SLC30A7: variants seen among roughly 807,000 people sequenced by gnomAD.
The protein encoded by SLC30A7 is solute carrier family 30 member 7.
Under a neutral mutation model 46.0 loss-of-function variants are expected in SLC30A7, and 35 were observed. The ratio of observed to expected loss-of-function variants is 0.76; its 90% CI spans 0.58 to 1.01. SLC30A7 has a LOEUF of 1.01. Ranked by LOEUF, SLC30A7 falls within the 50% of genes least tolerant of loss-of-function variation. The probability of loss-of-function intolerance (pLI) is 0.00; values close to 1 mark genes in which losing one functional copy is unlikely to be tolerated. For synonymous variants in SLC30A7, 147 were observed against 157.8 expected (o/e 0.93, Z 0.51); for missense variants, 464 against 451.1 (o/e 1.03, Z -0.26).
At chr1:100,984,821 A>G (rs555050660), downstream of SLC30A7, among the ~76,000 whole-genome samples, 2 of 152,258 alleles carry the variant, frequency 1.3e-5, no homozygotes, top group African/African-American at 4.8e-5. Context: ...TAAAGCTGAG[A>G]TATCAATCTT....
intron 10 of SLC30A7, 29 bp downstream of exon 10, chr1:100,965,947 G>C: frequency 6.4e-7 from 1 of 1,574,106 alleles, no homozygotes; most frequent in African/African-American, 1.4e-5. Context: ...CTTCTTTTAA[G>C]GGCCTTAACA....
rs1026012766 is a variant in SLC30A7, at chr1:100,980,367, T to C, written c.*5510T>C. On this transcript the variant is annotated 3_prime_UTR_variant, in exon 11 of 11. Transcript: ENST00000357650. ...AAATAGTAGTAATCTATGCTTAAAC[T>C]TAACATTTAATGTTGACTTCTTACA... The C allele has an allele frequency of 6.6e-6, 1 of 152,152 alleles. No homozygotes were observed. The highest frequency in any genetic ancestry group is 2.4e-5 in the African/African-American group (1 of 41,454). The allele number at this position is 152,152 out of a possible 1,614,324, so 9.4% of individuals were successfully genotyped here. A position where few individuals can be genotyped will look rare whatever the true frequency, so the allele number is the denominator to read the frequency against.
At chr1:100,957,064 G>A (rs1655261902) in intron 8 of SLC30A7, among the ~76,000 whole-genome samples, 1 of 152,080 alleles carries the variant, frequency 6.6e-6, no homozygotes, top group Non-Finnish European at 1.5e-5. Flanking sequence ...TACATGGTTG[G>A]CATATAACAG....
At chr1:100,922,225 G>A (rs1454903141) in intron 8 of SLC30A7, among the ~76,000 whole-genome samples, 1 of 151,956 alleles carries the variant, frequency 6.6e-6, no homozygotes, top group Non-Finnish European at 1.5e-5. Flanking sequence ...CTCAGCCTCT[G>A]AAAGCGCTGG....
intron 9 of SLC30A7, among the ~76,000 whole-genome samples, chr1:100,965,207 CTCTT>C (rs1655797872): frequency 6.6e-6 from 1 of 152,168 alleles, no homozygotes; most frequent in Non-Finnish European, 1.5e-5. Context: ...GAGAAGCTCC[CTCTT>C]TCTTTGTAAA....
intron 8 of SLC30A7, among the ~76,000 whole-genome samples, chr1:100,949,649 T>C (rs1270163453): frequency 6.6e-6 from 1 of 152,226 alleles, no homozygotes; most frequent in Non-Finnish European, 1.5e-5. Flanking sequence ...TAGGCCTTAC[T>C]GAGCTGCGGT....
At position 100,958,216 on chromosome 1, in the gene SLC30A7, A is replaced by G. The variant is rs112562500; in HGVS notation, c.843-3612A>G. 6.4e-3 allele frequency among the ~76,000 whole-genome samples: 965 copies of G among 151,564 alleles called. 15 individuals are homozygous for G. The highest frequency in any genetic ancestry group is 0.02 in the African/African-American group (838 of 41,242). On this transcript the variant is annotated intron_variant, in intron 8 of 10. Coordinates refer to ENST00000357650, the MANE Select transcript of SLC30A7 (RefSeq NM_133496.5). ...TTTTGAGATGGAGTCTCGCTCTGTC[A>G]CCCAGGCTGGAGTGCAGTGGCCCTA...
intron 8 of SLC30A7, among the ~76,000 whole-genome samples, chr1:100,939,412 C>T (rs768458988): frequency 5.9e-5 from 9 of 152,034 alleles, no homozygotes; most frequent in Non-Finnish European, 1.5e-5. Context: ...AAAGAGAAGA[C>T]ACCTCTTCAG....
chr1:100,973,761 A>G (rs984589267), intron 10 of SLC30A7, among the ~76,000 whole-genome samples: 1 of 152,118 alleles, frequency 6.6e-6, no homozygotes, highest in African/African-American at 2.4e-5. Flanking sequence ...GTGAGGTAAA[A>G]GGGCAGCCAG....
chr1:100,901,529 A>G (rs986243712), intron 2 of SLC30A7, among the ~76,000 whole-genome samples: 2 of 152,114 alleles, frequency 1.3e-5, no homozygotes, highest in African/African-American at 4.8e-5. Context: ...ATCTTGGCTT[A>G]CTGCAACCTC....
chr1:100,917,212 T>C (rs1011028001), intron 6 of SLC30A7, among the ~76,000 whole-genome samples: 2 of 152,228 alleles, frequency 1.3e-5, no homozygotes, highest in Non-Finnish European at 2.9e-5. Context: ...TCTTACACTT[T>C]TGGCTATCAG....
chr1:100,905,395 G>A (rs373150453), intron 2 of SLC30A7, among the ~76,000 whole-genome samples: 11 of 151,014 alleles, frequency 7.3e-5, no homozygotes, highest in South Asian at 2.1e-4. Context: ...TTTTTTCCTC[G>A]CTTGGGTTCA....
At position 100,896,110 on chromosome 1, in the gene SLC30A7, G is replaced by C. The variant is rs1412286196; in HGVS notation, c.-153G>C. 3.0e-6 allele frequency: 2 copies of C among 669,412 alleles called. No homozygotes were observed. Among genetic ancestry groups the C allele is most frequent in the Non-Finnish European group, 5.4e-6 (2 of 373,736 alleles). 41.5% of individuals were successfully genotyped at this position (669,412 alleles called of 1,614,324 possible). ...GGGCCGGAAGTAAGCGAATTCCCGG[G>C]TGTGTGTCTGTGTCTGTCTGTGTCT... On this transcript the variant is annotated 5_prime_UTR_variant, in exon 1 of 11. Transcript: ENST00000357650.
At chr1:100,913,996 A>G (rs1392150457) in intron 6 of SLC30A7, among the ~76,000 whole-genome samples, 190 bp downstream of exon 6, 1 of 152,178 alleles carries the variant, frequency 6.6e-6, no homozygotes, top group Non-Finnish European at 1.5e-5. Context: ...AAGGCAGTGG[A>G]TGTTCGCTTT....
rs1264646608 is a variant in SLC30A7 at position 100,978,495 on chromosome 1, G to GTTC, written c.*3640_*3642dup. 12 of 152,146 alleles carry GTTC rather than the reference G, an allele frequency of 7.9e-5. No homozygotes were observed. The highest frequency in any genetic ancestry group is 2.9e-4 in the African/African-American group (12 of 41,430). 9.4% of individuals were successfully genotyped at this position (152,146 alleles called of 1,614,324 possible). A position where few individuals can be genotyped will look rare whatever the true frequency, so the allele number is the denominator to read the frequency against. Reference sequence around the variant, plus strand: ...AAGGACTGGCTTTAGAAGCAGTGTAGTTCTACCTCTCATTTTACAGATGAG... The same window carrying GTTC: ...AAGGACTGGCTTTAGAAGCAGTGTAGTTCTTCTACCTCTCATTTTACAGATGAG... On this transcript the variant is annotated 3_prime_UTR_variant, in exon 11 of 11. Transcript: ENST00000357650.
rs1018668389 is a variant in SLC30A7 at position 100,921,710 on chromosome 1, A to G, written c.711A>G (p.Val237=). Residue 237 remains valine, a synonymous_variant, in exon 8 of 11, where the codon GTA becomes GTG. Transcript: ENST00000357650. ...TTTATTATGGTTTATTTCTAGGTGT[A>G]TTTTTACATATCCTAGCAGATACAC... is the stretch of plus-strand genomic sequence containing the variant. ...TGPSRQILQG[V]FLHILADTLG... 3 of 1,608,112 alleles carry G rather than the reference A, an allele frequency of 1.9e-6. No homozygotes were observed. The highest frequency in any genetic ancestry group is 2.6e-6 in the Non-Finnish European group (3 of 1,176,434).
At chr1:100,907,946 TTTG>T (rs1651787514) in intron 3 of SLC30A7, among the ~76,000 whole-genome samples, 1 of 152,086 alleles carries the variant, frequency 6.6e-6, no homozygotes, top group Admixed American at 6.6e-5. Flanking sequence ...TGTCTTATTC[TTTG>T]TTTTCTCCTG....
At chr1:100,959,921 A>G (rs1257748543) in intron 8 of SLC30A7, among the ~76,000 whole-genome samples, 2 of 152,052 alleles carry the variant, frequency 1.3e-5, no homozygotes, top group Non-Finnish European at 2.9e-5. Context: ...CACGTAAAAG[A>G]TACGGATATT....
At chr1:100,983,102 T>C (rs1285822321), downstream of SLC30A7, among the ~76,000 whole-genome samples, 1 of 152,166 alleles carries the variant, frequency 6.6e-6, no homozygotes, top group Non-Finnish European at 1.5e-5. Flanking sequence ...GGCTCCCTAA[T>C]GCTTATCAAG....
Sources: allele counts gnomAD v4.1 joint callset (sites outside exome capture counted in the v4.1 genomes callset), GRCh38; gene constraint gnomAD v4.1.1; transcripts MANE v1.5; gene names NCBI Gene and HGNC (gene_info 2026-07-23, HGNC 2026-07-21).